The following MAPKAP1 variants were observed in gnomAD, a reference collection of about 807,000 sequenced individuals.
The protein encoded by MAPKAP1 is target of rapamycin complex 2 subunit MAPKAP1.
Under a neutral mutation model 65.7 loss-of-function variants are expected in MAPKAP1, and 20 were observed. The ratio of observed to expected loss-of-function variants is 0.30; its 90% CI spans 0.21 to 0.44. The LOEUF is 0.44. Ranked by LOEUF, MAPKAP1 falls within the 20% of genes least tolerant of loss-of-function variation. MAPKAP1 has a pLI of 1.00. For missense variants in MAPKAP1, 423 were observed against 648.0 expected (o/e 0.65, Z 3.77); for synonymous variants, 222 against 244.3 (o/e 0.91, Z 0.85).
rs77640697 is a variant in MAPKAP1 at position 125,679,121 on chromosome 9, C to A, written c.-69-6478G>T. Among the ~76,000 whole-genome samples, 1,795 of 152,118 alleles carry A rather than the reference C, an allele frequency of 0.012. 95 individuals are homozygous for A. In the East Asian group the frequency reaches 0.18, roughly 15 times the overall value. On this transcript the variant is annotated intron_variant, in intron 1 of 11. Coordinates refer to ENST00000265960, the MANE Select transcript of MAPKAP1 (RefSeq NM_001006617.3). ...GGTTCAAGCAATTCTCCTGCCTCAGCCTCCTGAGTGGCTGGGATTATAAGT... is the reference window on the plus strand; with the variant it reads ...GGTTCAAGCAATTCTCCTGCCTCAGACTCCTGAGTGGCTGGGATTATAAGT...
At chr9:125,455,538 A>T (rs1853131492) in intron 10 of MAPKAP1, among the ~76,000 whole-genome samples, 1 of 152,264 alleles carries the variant, frequency 6.6e-6, no homozygotes, top group Non-Finnish European at 1.5e-5. Context: ...GACAAAATTC[A>T]AAATTTAATC....
At position 125,484,554 on chromosome 9, in the gene MAPKAP1, C is replaced by A; in HGVS notation, c.1096G>T (p.Asp366Tyr). The A allele has an allele frequency of 6.2e-7, 1 of 1,611,114 alleles. No individual in the cohort carries two copies. Among genetic ancestry groups the A allele is most frequent in the Middle Eastern group, 1.7e-4 (1 of 6,058 alleles). ...ACTGTGGCTATGTCAATTTGCGAAT[C>A]CTCCTCAAAAACCCCGTCTGCCCTT... ...SSRADGVFEE[D>Y]SQIDIATVQD... The change falls in exon 9 of 12, where the codon GAT (aspartate) becomes TAT (tyrosine). Residue 366 changes from aspartate (D) to tyrosine (Y), a missense_variant. This residue lies in a region of MAPKAP1 where 185 missense variants were observed against 268.1 expected (regional missense o/e 0.69). Coordinates refer to ENST00000265960, the MANE Select transcript of MAPKAP1 (RefSeq NM_001006617.3).
At chr9:125,674,447 A>G (rs575924276) in intron 1 of MAPKAP1, among the ~76,000 whole-genome samples, 55 of 152,222 alleles carry the variant, frequency 3.6e-4, no homozygotes, top group Non-Finnish European at 7.2e-4. Context: ...AAAATTGTTG[A>G]GAAGTACAAG....
chr9:125,664,893 T>G (rs77110424), intron 3 of MAPKAP1, among the ~76,000 whole-genome samples: 1,764 of 152,104 alleles, frequency 0.012, 29 homozygotes, highest in Middle Eastern at 0.044. Context: ...GGAGGTGAAT[T>G]CTGGCTTCAC....
intron 10 of MAPKAP1, among the ~76,000 whole-genome samples, chr9:125,456,277 G>C (rs1287369278): frequency 6.6e-6 from 1 of 152,098 alleles, no homozygotes; most frequent in African/African-American, 2.4e-5. Flanking sequence ...TTGCTGGTTT[G>C]ATATTTGAAA....
chr9:125,560,059 A>G (rs946743473), intron 5 of MAPKAP1, among the ~76,000 whole-genome samples: 2 of 152,238 alleles, frequency 1.3e-5, no homozygotes, highest in African/African-American at 4.8e-5. Flanking sequence ...ACTGAGCCCT[A>G]TTGCAGCTAC....
chr9:125,665,632 C>CA (rs1337007998), intron 3 of MAPKAP1, among the ~76,000 whole-genome samples: 1 of 150,274 alleles, frequency 6.7e-6, no homozygotes, highest in Non-Finnish European at 1.5e-5. Flanking sequence ...TCAAAAAAAA[C>CA]AAAAAACAAA....
intron 5 of MAPKAP1, among the ~76,000 whole-genome samples, chr9:125,571,565 C>T (rs1374821547): frequency 6.6e-6 from 1 of 152,144 alleles, no homozygotes; most frequent in African/African-American, 2.4e-5. Flanking sequence ...TGCTTAAATG[C>T]TGCTGATCCG....
intron 1 of MAPKAP1, among the ~76,000 whole-genome samples, chr9:125,700,003 T>C (rs1835547848): frequency 6.6e-6 from 1 of 152,162 alleles, no homozygotes; most frequent in Non-Finnish European, 1.5e-5. Flanking sequence ...CTTACATATA[T>C]TGTTTCATTT....
intron 7 of MAPKAP1, among the ~76,000 whole-genome samples, chr9:125,526,262 A>G (rs1163371682): frequency 6.6e-6 from 1 of 152,216 alleles, no homozygotes; most frequent in African/African-American, 2.4e-5. Context: ...GATGTACTTA[A>G]CCAGATCAGC....
intron 3 of MAPKAP1, among the ~76,000 whole-genome samples, chr9:125,669,444 C>T (rs1279922445): frequency 1.3e-5 from 2 of 152,198 alleles, no homozygotes; most frequent in Non-Finnish European, 2.9e-5. Context: ...CGTGCCATTG[C>T]ACTCCGGCCT....
intron 1 of MAPKAP1, among the ~76,000 whole-genome samples, chr9:125,702,720 T>C (rs1264340916): frequency 2.7e-5 from 4 of 147,840 alleles, no homozygotes; most frequent in Admixed American, 2.0e-4. Context: ...GGCGTGGTGA[T>C]GGGCACCTGT....
At chr9:125,626,266 C>G (rs1833115492) in intron 4 of MAPKAP1, among the ~76,000 whole-genome samples, 1 of 152,218 alleles carries the variant, frequency 6.6e-6, no homozygotes, top group South Asian at 2.1e-4. Context: ...CAGGCTCTCT[C>G]AAAAGTGCCT....
At chr9:125,486,346 G>A (rs552795743) in intron 8 of MAPKAP1, among the ~76,000 whole-genome samples, 4 of 152,318 alleles carry the variant, frequency 2.6e-5, no homozygotes, top group African/African-American at 9.6e-5. Flanking sequence ...GGGGTAGAAT[G>A]GGTTGGGAGG....
intron 1 of MAPKAP1, among the ~76,000 whole-genome samples, chr9:125,697,683 T>C (rs1835426403): frequency 6.6e-6 from 1 of 152,200 alleles, no homozygotes; most frequent in African/African-American, 2.4e-5. Flanking sequence ...TCTGATTTCT[T>C]TAATAAAGAT....
intron 4 of MAPKAP1, among the ~76,000 whole-genome samples, chr9:125,604,056 C>T (rs573466566): frequency 6.6e-6 from 1 of 152,302 alleles, no homozygotes; most frequent in South Asian, 2.1e-4. Context: ...CTATTTGCTT[C>T]CCTAAAAGGC....
At chr9:125,706,596 G>C (rs1206614259) in intron 1 of MAPKAP1, among the ~76,000 whole-genome samples, 1 of 151,940 alleles carries the variant, frequency 6.6e-6, no homozygotes, top group Admixed American at 6.6e-5. Flanking sequence ...TAAGGGGGAG[G>C]GGGAGAAGGG....
At chr9:125,562,464 A>G (rs1000797174) in intron 5 of MAPKAP1, among the ~76,000 whole-genome samples, 1 of 152,242 alleles carries the variant, frequency 6.6e-6, no homozygotes, top group Non-Finnish European at 1.5e-5. Context: ...AGTAAAGTCT[A>G]GCAGTAAATA....
At chr9:125,596,663 G>GA (rs1832134926) in intron 4 of MAPKAP1, 1 of 597,032 alleles carries the variant, frequency 1.7e-6, no homozygotes, top group Non-Finnish European at 3.2e-6. Flanking sequence ...CAGGAGAGGA[G>GA]AGCCAGAGAA....
Sources: allele counts gnomAD v4.1 joint callset (sites outside exome capture counted in the v4.1 genomes callset), GRCh38; gene constraint gnomAD v4.1.1; regional missense constraint gnomAD v4.1.1; transcripts MANE v1.5; gene names NCBI Gene and HGNC (gene_info 2026-07-23, HGNC 2026-07-21).